Variants in RIPOR2 observed in about 807,000 individuals in gnomAD.
RIPOR2 encodes RHO family interacting cell polarization regulator 2, also known as rho family-interacting cell polarization regulator 2.
Under a neutral mutation model 114.5 loss-of-function variants are expected in RIPOR2, and 39 were observed. The ratio of observed to expected loss-of-function variants is 0.34; its 90% CI spans 0.26 to 0.44. RIPOR2 has a LOEUF of 0.44. Ranked by LOEUF, RIPOR2 falls within the 20% of genes least tolerant of loss-of-function variation. The pLI, the probability that RIPOR2 is intolerant of heterozygous loss-of-function variation, is 1.00. For synonymous variants in RIPOR2, 445 were observed against 484.4 expected (o/e 0.92, Z 1.07); for missense variants, 1,007 against 1,255.1 (o/e 0.80, Z 2.99).
intron 7 of RIPOR2, among the ~76,000 whole-genome samples, chr6:24,861,775 A>G (rs560082171): frequency 3.5e-4 from 53 of 152,380 alleles, no homozygotes; most frequent in African/African-American, 1.3e-3. Flanking sequence ...TTACTGTCAA[A>G]TGACTTGAGG....
chr6:24,974,627 G>A (rs1259339838), intron 1 of RIPOR2, among the ~76,000 whole-genome samples: 2 of 152,182 alleles, frequency 1.3e-5, no homozygotes, highest in Non-Finnish European at 2.9e-5. Context: ...AGGTACCATA[G>A]CACTCAGCAA....
intron 1 of RIPOR2, among the ~76,000 whole-genome samples, chr6:24,911,641 G>A (rs1475719943): frequency 2.0e-5 from 3 of 152,124 alleles, no homozygotes; most frequent in Admixed American, 2.0e-4. Flanking sequence ...TTTTGTTCTG[G>A]TGGATTTGAA....
chr6:24,847,596 G>A, intron 12 of RIPOR2: 3 of 1,551,732 alleles, frequency 1.9e-6, no homozygotes, highest in East Asian at 2.4e-5. Context: ...GGTCACTGAA[G>A]GAGCGGCTGC....
At chr6:25,024,403 G>T in intron 1 of RIPOR2, 3 of 1,168,018 alleles carry the variant, frequency 2.6e-6, no homozygotes, top group East Asian at 2.4e-5. Context: ...TCATAGCCTT[G>T]TTCCTTCACC....
At chr6:25,023,447 G>A (rs1776428960) in intron 1 of RIPOR2, 2 of 766,026 alleles carry the variant, frequency 2.6e-6, no homozygotes, top group African/African-American at 1.7e-5. Flanking sequence ...GGACACCTGC[G>A]CTTTCCCTCC....
intron 1 of RIPOR2, among the ~76,000 whole-genome samples, chr6:24,953,723 AC>A (rs1772891918): frequency 6.6e-6 from 1 of 152,194 alleles, no homozygotes. Context: ...AGACACAAAG[AC>A]ACAAAGAAGA....
intron 1 of RIPOR2, among the ~76,000 whole-genome samples, chr6:24,888,212 C>T (rs553234394): frequency 6.6e-5 from 10 of 152,202 alleles, no homozygotes; most frequent in Non-Finnish European, 8.8e-5. Flanking sequence ...AAAAATACAC[C>T]GACCAGGGAT....
intron 1 of RIPOR2, among the ~76,000 whole-genome samples, chr6:24,979,493 G>T (rs1269788311): frequency 2.6e-5 from 4 of 152,102 alleles, no homozygotes; most frequent in African/African-American, 9.7e-5. Flanking sequence ...GAATTAATAT[G>T]AATTGAATCG....
chr6:24,841,843 C>A (rs554626418), intron 13 of RIPOR2, among the ~76,000 whole-genome samples: 1 of 152,192 alleles, frequency 6.6e-6, no homozygotes, highest in African/African-American at 2.4e-5. Flanking sequence ...GTCTCTAACT[C>A]CTGGGCTCAA....
At chr6:24,907,306 A>G (rs1769094520) in intron 1 of RIPOR2, among the ~76,000 whole-genome samples, 1 of 152,210 alleles carries the variant, frequency 6.6e-6, no homozygotes, top group Admixed American at 6.5e-5. Flanking sequence ...TCCTCCACAC[A>G]GTACTCATCG....
rs1318233293 is a variant in RIPOR2 at position 24,843,478 on chromosome 6, T to A, written c.1241A>T (p.Asp414Val). Residue 414 changes from aspartate (D) to valine (V), a missense_variant, in exon 13 of 22, where the codon GAC becomes GTC. Asp to Val is a radical substitution (Grantham distance 152). Transcript: ENST00000643898. ...GAGGGCGCAGTCCCCGTTGGGCAGG[T>A]CACTGAAGCTGAGCGACAGTGGCAT... ...EKMPLSLSFS[D>V]LPNGDCALTS... The A allele has an allele frequency of 6.3e-7, 1 of 1,586,204 alleles. No individual in the cohort carries two copies. The highest frequency in any genetic ancestry group is 8.6e-7 in the Non-Finnish European group (1 of 1,161,702).
chr6:24,941,987 C>A (rs1001080906), intron 1 of RIPOR2, among the ~76,000 whole-genome samples: 3 of 152,216 alleles, frequency 2.0e-5, no homozygotes, highest in African/African-American at 2.4e-5. Flanking sequence ...AGGAGAATTA[C>A]AATCCTTCCT....
At chr6:25,013,814 G>T (rs1775867862) in intron 1 of RIPOR2, among the ~76,000 whole-genome samples, 1 of 152,124 alleles carries the variant, frequency 6.6e-6, no homozygotes. Context: ...CCCACTCCAT[G>T]TAAAAAAGTC....
intron 13 of RIPOR2, chr6:24,840,617 G>A: frequency 6.6e-7 from 1 of 1,521,544 alleles, no homozygotes; most frequent in Non-Finnish European, 8.8e-7. Context: ...AAGGTAGGAA[G>A]GGCCTTGCAG....
At chr6:24,882,229 A>C (rs1386677746) in intron 1 of RIPOR2, among the ~76,000 whole-genome samples, 1 of 152,184 alleles carries the variant, frequency 6.6e-6, no homozygotes, top group Non-Finnish European at 1.5e-5. Context: ...TCATGTTTTC[A>C]TGTGTGTTTG....
At chr6:24,973,208 A>C (rs1488889316) in intron 1 of RIPOR2, among the ~76,000 whole-genome samples, 2 of 152,226 alleles carry the variant, frequency 1.3e-5, no homozygotes, top group African/African-American at 2.4e-5. Context: ...TGGGAATGTA[A>C]ATTAGTTTTG....
chr6:25,001,234 C>T (rs780369220), intron 1 of RIPOR2, among the ~76,000 whole-genome samples: 2 of 152,156 alleles, frequency 1.3e-5, no homozygotes, highest in African/African-American at 2.4e-5. Flanking sequence ...TACACATATG[C>T]ATTTATGTAA....
chr6:25,028,012 C>T (rs1431039549), intron 1 of RIPOR2, among the ~76,000 whole-genome samples: 1 of 152,162 alleles, frequency 6.6e-6, no homozygotes, highest in Non-Finnish European at 1.5e-5. Flanking sequence ...GAGGGTTCTG[C>T]GTGTTCAGAT....
chr6:25,029,411 G>GAAAAAAAAAAA (rs71544610), intron 1 of RIPOR2, among the ~76,000 whole-genome samples: 28 of 90,420 alleles, frequency 3.1e-4, no homozygotes, highest in Non-Finnish European at 3.9e-4. Flanking sequence ...TCTCAAAAAA[G>GAAAAAAAAAAA]AAAAAAAAAA....
Sources: gnomAD v4.1 joint callset for allele counts (sites outside exome capture counted in the v4.1 genomes callset) on GRCh38, gnomAD v4.1.1 for gene constraint, MANE v1.5 for transcripts, NCBI Gene and HGNC (gene_info 2026-07-23, HGNC 2026-07-21) for gene names.